The following DDX10 variants were observed in gnomAD, a reference collection of about 807,000 sequenced individuals.
DDX10 encodes probable ATP-dependent RNA helicase DDX10.
DDX10 carries 74 observed loss-of-function variants against 104.3 expected under a neutral mutation model. That is an observed-to-expected ratio of 0.71 (90% CI 0.59 to 0.86). The LOEUF (loss-of-function observed/expected upper bound fraction) is 0.86, where lower values mean the gene tolerates loss of function less well. Ranked by LOEUF, DDX10 falls within the 40% of genes least tolerant of loss-of-function variation. The probability of loss-of-function intolerance (pLI) is 0.00; values close to 1 mark genes in which losing one functional copy is unlikely to be tolerated. For synonymous variants in DDX10, 351 were observed against 353.4 expected (o/e 0.99, Z 0.08); for missense variants, 952 against 1,040.0 (o/e 0.92, Z 1.16).
At chr11:108,849,830 A>T (rs2134603620) in intron 15 of DDX10, among the ~76,000 whole-genome samples, 1 of 152,214 alleles carries the variant, frequency 6.6e-6, no homozygotes, top group African/African-American at 2.4e-5. Context: ...ATTCACTTAT[A>T]CTTTTCTCCT....
At chr11:108,933,639 C>T (rs1163412033) in intron 17 of DDX10, among the ~76,000 whole-genome samples, 1 of 152,138 alleles carries the variant, frequency 6.6e-6, no homozygotes. Flanking sequence ...TATAATTTCC[C>T]TTCCGCCATT....
chr11:108,750,300 A>G (rs1391961861), intron 13 of DDX10, among the ~76,000 whole-genome samples: 1 of 152,186 alleles, frequency 6.6e-6, no homozygotes, highest in East Asian at 1.9e-4. Context: ...TTTAGTACTA[A>G]ATAGGCAGGT....
chr11:108,695,349 G>A (rs141358209), intron 9 of DDX10, among the ~76,000 whole-genome samples: 11 of 152,250 alleles, frequency 7.2e-5, no homozygotes, highest in African/African-American at 2.6e-4. Flanking sequence ...TGGATTCCAG[G>A]ATTGGTCTAA....
At chr11:108,938,526 T>C (rs577740748) in intron 17 of DDX10, among the ~76,000 whole-genome samples, 1 of 152,340 alleles carries the variant, frequency 6.6e-6, no homozygotes, top group East Asian at 1.9e-4. Flanking sequence ...TATAACCCTG[T>C]GGGACTGTCA....
At chr11:108,816,591 C>G (rs1362184027) in intron 13 of DDX10, among the ~76,000 whole-genome samples, 1 of 146,832 alleles carries the variant, frequency 6.8e-6, no homozygotes, top group East Asian at 2.0e-4. Flanking sequence ...CTCTCTCTGG[C>G]GCCCAGGCTG....
intron 13 of DDX10, among the ~76,000 whole-genome samples, chr11:108,750,143 G>T (rs958028015): frequency 6.6e-6 from 1 of 152,138 alleles, no homozygotes; most frequent in South Asian, 2.1e-4. Flanking sequence ...TTAAGATTCT[G>T]TTATAAAAGA....
At chr11:108,722,512 T>A (rs1432033147) in intron 12 of DDX10, among the ~76,000 whole-genome samples, 1 of 152,226 alleles carries the variant, frequency 6.6e-6, no homozygotes, top group Admixed American at 6.5e-5. Context: ...ACATTCCAGT[T>A]CTTTCTCTGT....
Position 108,773,392 on chromosome 11 carries a change from T to C in DDX10, c.1965+49930T>C, listed in dbSNP as rs145144194. On this transcript the variant is annotated intron_variant, in intron 13 of 17. Coordinates refer to ENST00000322536, the MANE Select transcript of DDX10 (RefSeq NM_004398.4). The stretch of plus-strand genomic sequence containing the variant: ...CACTTACTGTTGATGTCTTGTCTTT[T>C]GGTGAAGTCTCCCTATCTACCTGTG... Among the ~76,000 whole-genome samples the C allele has an allele frequency of 7.9e-5, 12 of 152,358 alleles. No individual in the cohort carries two copies. In the East Asian group the frequency reaches 2.1e-3, roughly 27 times the overall value.
At chr11:108,718,483 A>G (rs1591800063) in intron 11 of DDX10, among the ~76,000 whole-genome samples, 1 of 152,250 alleles carries the variant, frequency 6.6e-6, no homozygotes, top group East Asian at 1.9e-4. Context: ...CTTTGGAAGT[A>G]GTACACACAT....
At chr11:108,818,313 G>C (rs771322115) in intron 13 of DDX10, among the ~76,000 whole-genome samples, 2 of 152,190 alleles carry the variant, frequency 1.3e-5, no homozygotes, top group Non-Finnish European at 2.9e-5. Context: ...GTGTGCTTTT[G>C]TCAAATGAGG....
intron 13 of DDX10, among the ~76,000 whole-genome samples, chr11:108,797,110 T>A: frequency 6.6e-6 from 1 of 152,160 alleles, no homozygotes; most frequent in East Asian, 1.9e-4. Context: ...CTTGGCTCAC[T>A]GCAGCCTCTG....
In DDX10 at chr11:108,935,500, A is replaced by G. The variant is rs552005628; in HGVS notation, c.2451-4746A>G. Among the ~76,000 whole-genome samples, 11 of 152,300 alleles carry G rather than the reference A, an allele frequency of 7.2e-5. No homozygotes were observed. The South Asian group carries it at 2.3e-3, about 32-fold the overall frequency. On this transcript the variant is annotated intron_variant, in intron 17 of 17. Coordinates refer to ENST00000322536, the MANE Select transcript of DDX10 (RefSeq NM_004398.4). Reference sequence around the variant, plus strand: ...GACTACTTCTCTAAGCATGCTTACAATGGGCTCAAAAGAGAAATGTTATAC... The same window carrying G: ...GACTACTTCTCTAAGCATGCTTACAGTGGGCTCAAAAGAGAAATGTTATAC...
intron 15 of DDX10, among the ~76,000 whole-genome samples, chr11:108,843,461 TA>T (rs1242996670): frequency 6.9e-6 from 1 of 144,106 alleles, no homozygotes; most frequent in African/African-American, 2.6e-5. Flanking sequence ...AAAATCAAGA[TA>T]AAAAAATTGC....
chr11:108,745,495 T>A (rs2094330788), intron 13 of DDX10, among the ~76,000 whole-genome samples: 1 of 152,020 alleles, frequency 6.6e-6, no homozygotes, highest in Non-Finnish European at 1.5e-5. Context: ...GCCTTGGCCT[T>A]CCAAAGTGTT....
intron 13 of DDX10, among the ~76,000 whole-genome samples, chr11:108,788,890 CA>C (rs1321214294): frequency 6.6e-6 from 1 of 152,156 alleles, no homozygotes; most frequent in African/African-American, 2.4e-5. Flanking sequence ...TCACCTGGTC[CA>C]CTCCTAGGCC....
chr11:108,825,393 A>G (rs899956051), intron 13 of DDX10, among the ~76,000 whole-genome samples: 7 of 152,208 alleles, frequency 4.6e-5, no homozygotes, highest in African/African-American at 1.7e-4. Flanking sequence ...CAATTTCTGG[A>G]AAGTGTTCCA....
intron 13 of DDX10, among the ~76,000 whole-genome samples, chr11:108,775,259 T>C (rs1012557004): frequency 1.2e-4 from 19 of 152,212 alleles, no homozygotes; most frequent in African/African-American, 4.6e-4. Flanking sequence ...TAATCTCAAA[T>C]AGATTTTGCT....
intron 13 of DDX10, among the ~76,000 whole-genome samples, chr11:108,743,211 A>G (rs1189861551): frequency 6.6e-6 from 1 of 152,188 alleles, no homozygotes; most frequent in African/African-American, 2.4e-5. Flanking sequence ...CCTGGGATAC[A>G]AGGTTGGTTC....
At chr11:108,880,526 T>C (rs1450990023) in intron 16 of DDX10, among the ~76,000 whole-genome samples, 2 of 152,186 alleles carry the variant, frequency 1.3e-5, no homozygotes, top group Non-Finnish European at 1.5e-5. Flanking sequence ...GCCCGCTGTG[T>C]AAACAGATTA....
Sources: allele counts gnomAD v4.1 joint callset (sites outside exome capture counted in the v4.1 genomes callset), GRCh38; gene constraint gnomAD v4.1.1; transcripts MANE v1.5; gene names NCBI Gene and HGNC (gene_info 2026-07-23, HGNC 2026-07-21).